The following CADM1 variants were observed in gnomAD, a reference collection of about 807,000 sequenced individuals.
CADM1 encodes the protein TSLC-1.
A neutral mutation model predicts 53.1 loss-of-function variants in CADM1; 15 were observed. The observed-to-expected ratio is 0.28, with a 90% CI of 0.19 to 0.44. The LOEUF (loss-of-function observed/expected upper bound fraction) is 0.44, where lower values mean the gene tolerates loss of function less well. CADM1 is among the 20% of genes least tolerant of loss of function. The probability of loss-of-function intolerance (pLI) is 1.00; values close to 1 mark genes in which losing one functional copy is unlikely to be tolerated. For synonymous variants in CADM1, 281 were observed against 243.0 expected (o/e 1.16, Z -1.45); for missense variants, 434 against 611.3 (o/e 0.71, Z 3.06).
chr11:115,302,701 T>C (rs974451644), intron 1 of CADM1, among the ~76,000 whole-genome samples: 1 of 152,050 alleles, frequency 6.6e-6, no homozygotes, highest in Non-Finnish European at 1.5e-5. Flanking sequence ...GCAAACCTGA[T>C]AGAATATAGG....
At chr11:115,465,644 GGTTA>G (rs1948884174) in intron 1 of CADM1, among the ~76,000 whole-genome samples, 1 of 152,158 alleles carries the variant, frequency 6.6e-6, no homozygotes, top group African/African-American at 2.4e-5. Flanking sequence ...GGTTCAGGCA[GGTTA>G]GGTTACTTGC....
At chr11:115,400,563 T>G (rs1591780507) in intron 1 of CADM1, among the ~76,000 whole-genome samples, 1 of 136,410 alleles carries the variant, frequency 7.3e-6, no homozygotes. Flanking sequence ...ATGGTGGTGA[T>G]ATATATATAT....
intron 1 of CADM1, among the ~76,000 whole-genome samples, chr11:115,445,568 G>T (rs1948430717): frequency 2.0e-5 from 3 of 152,110 alleles, no homozygotes; most frequent in African/African-American, 4.8e-5. Flanking sequence ...AAGGGGCCAG[G>T]TTCAGTGGCT....
rs1416335387 is a variant in CADM1 at position 115,176,181 on chromosome 11, C to T, written c.*293G>A. 3.4e-6 allele frequency: 4 copies of T among 1,193,152 alleles called. No homozygotes were observed. The highest frequency in any genetic ancestry group is 5.4e-5 in the East Asian group (1 of 18,612). 73.9% of individuals were successfully genotyped at this position (1,193,152 alleles called of 1,614,324 possible). On this transcript the variant is annotated 3_prime_UTR_variant, in exon 12 of 12. Transcript: ENST00000331581. The stretch of plus-strand genomic sequence containing the variant: ...CAACAAACAAACAAAAAACAAGGCA[C>T]AGAATTTTCTGCAATCTACTGAAAC...
intron 1 of CADM1, among the ~76,000 whole-genome samples, chr11:115,303,515 T>C (rs1944287764): frequency 1.3e-5 from 2 of 152,200 alleles, no homozygotes; most frequent in African/African-American, 2.4e-5. Flanking sequence ...AGTTTTATAG[T>C]GTTTGTTCAC....
intron 5 of CADM1, among the ~76,000 whole-genome samples, chr11:115,221,286 C>A (rs7945096): frequency 0.01 from 1,592 of 152,220 alleles, 25 homozygotes; most frequent in African/African-American, 0.034. Context: ...TCAATTAGGT[C>A]GAGGGATCTG....
In CADM1 at chr11:115,504,299, G is replaced by A. The variant is rs1409131803; in HGVS notation, c.96C>T (p.Leu32=). The change falls in exon 1 of 12, where the codon CTC becomes CTT. Residue 32 remains leucine (L), a synonymous_variant. Coordinates refer to ENST00000331581, the MANE Select transcript of CADM1 (RefSeq NM_001301043.2). ...TGGGGATCAGTGCCGCGGCGGAGAA[G>A]AGCAACAGCAGAAGCCGGAGCCGGA... is the stretch of plus-strand genomic sequence containing the variant. ...PGLRLRLLLL[L]FSAAALIPTG... 6.4e-7 allele frequency: 1 copy of A among 1,566,456 alleles called. No homozygotes were observed. Among genetic ancestry groups the A allele is most frequent in the East Asian group, 2.4e-5 (1 of 41,950 alleles).
chr11:115,424,580 T>C lies in CADM1; in HGVS notation c.124+79691A>G, dbSNP rs530122698. On this transcript the variant is annotated intron_variant, in intron 1 of 11. Coordinates refer to ENST00000331581, the MANE Select transcript of CADM1 (RefSeq NM_001301043.2). The stretch of plus-strand genomic sequence containing the variant: ...TCTCGCACTGTCTCCCAGGCTGGAG[T>C]GCAGTGGCGAGATCTCTGTTCACTG... 2.0e-5 allele frequency among the ~76,000 whole-genome samples: 3 copies of C among 152,216 alleles called. No individual in the cohort carries two copies. In the South Asian group the frequency reaches 6.2e-4, roughly 32 times the overall value.
At chr11:115,414,707 G>C (rs574234567) in intron 1 of CADM1, among the ~76,000 whole-genome samples, 1 of 39,224 alleles carries the variant, frequency 2.5e-5, no homozygotes, top group Non-Finnish European at 4.7e-5. Flanking sequence ...ATAAAGGGAA[G>C]GACACTGTGG....
intron 1 of CADM1, among the ~76,000 whole-genome samples, chr11:115,352,747 C>T (rs1945768833): frequency 6.6e-6 from 1 of 152,148 alleles, no homozygotes; most frequent in African/African-American, 2.4e-5. Context: ...TGGCTTAATC[C>T]TCACCACTGC....
At chr11:115,302,020 T>C (rs900104223) in intron 1 of CADM1, among the ~76,000 whole-genome samples, 2 of 151,902 alleles carry the variant, frequency 1.3e-5, no homozygotes, top group African/African-American at 2.4e-5. Context: ...TGATATCAGG[T>C]AAAGCATTCA....
chr11:115,339,991 A>G (rs715295), intron 1 of CADM1: 57,259 of 151,974 alleles, frequency 0.38, 11,147 homozygotes, highest in Non-Finnish European at 0.43. Flanking sequence ...AAAGTACCTC[A>G]GATCAGATTT....
intron 1 of CADM1, among the ~76,000 whole-genome samples, chr11:115,466,122 T>C (rs1173434968): frequency 1.3e-5 from 2 of 152,070 alleles, no homozygotes; most frequent in African/African-American, 4.8e-5. Context: ...AAAAAAAAAC[T>C]TCCACCATTT....
chr11:115,431,632 C>G (rs1342739134), intron 1 of CADM1, among the ~76,000 whole-genome samples: 1 of 152,130 alleles, frequency 6.6e-6, no homozygotes, highest in East Asian at 1.9e-4. Context: ...CTCTTCTCTC[C>G]TCTCTGCCCA....
intron 1 of CADM1, among the ~76,000 whole-genome samples, chr11:115,301,429 T>C (rs1377428426): frequency 1.3e-5 from 2 of 152,084 alleles, no homozygotes; most frequent in East Asian, 3.9e-4. Context: ...CTCTTACTAG[T>C]CTTACTTGAA....
At chr11:115,475,093 T>G (rs546066668) in intron 1 of CADM1, among the ~76,000 whole-genome samples, 1 of 152,264 alleles carries the variant, frequency 6.6e-6, no homozygotes, top group Admixed American at 6.5e-5. Flanking sequence ...CACACCCAAA[T>G]CCTCAGATGC....
chr11:115,197,253 G>A (rs1940202363), intron 9 of CADM1, among the ~76,000 whole-genome samples: 1 of 152,164 alleles, frequency 6.6e-6, no homozygotes, highest in Admixed American at 6.5e-5. Context: ...ATCAAATGTA[G>A]GTCTCTAAGT....
At chr11:115,402,555 G>A (rs572541685) in intron 1 of CADM1, among the ~76,000 whole-genome samples, 1 of 152,006 alleles carries the variant, frequency 6.6e-6, no homozygotes, top group East Asian at 1.9e-4. Context: ...AAACAAAAAA[G>A]CTTCTAAGAA....
rs553941327 is a variant in CADM1, at chr11:115,454,838, C to T, written c.124+49433G>A. ...CAATTTCATCCTAAAAGATGTGCCT[C>T]GTACAGGAGCTTATATTGTATATCT... On this transcript the variant is annotated intron_variant, in intron 1 of 11. Coordinates refer to ENST00000331581, the MANE Select transcript of CADM1 (RefSeq NM_001301043.2). 3.3e-5 allele frequency among the ~76,000 whole-genome samples: 5 copies of T among 152,280 alleles called. No individual in the cohort carries two copies. The South Asian group carries it at 6.2e-4, about 19-fold the overall frequency.
Sources: allele counts gnomAD v4.1 joint callset (sites outside exome capture counted in the v4.1 genomes callset), GRCh38; gene constraint gnomAD v4.1.1; transcripts MANE v1.5; gene names NCBI Gene and HGNC (gene_info 2026-07-23, HGNC 2026-07-21).